MYO1D: variants seen among roughly 807,000 people sequenced by gnomAD.
MYO1D encodes unconventional myosin-Id.
In MYO1D, 83 loss-of-function variants were observed where a neutral mutation model predicts 122.0. That is an observed-to-expected ratio of 0.68 (90% confidence interval 0.57 to 0.82). MYO1D has a LOEUF of 0.82. MYO1D is among the 40% of genes least tolerant of loss of function. The probability of loss-of-function intolerance (pLI) is 0.00; values close to 1 mark genes in which losing one functional copy is unlikely to be tolerated. For missense variants in MYO1D, 1,157 were observed against 1,269.5 expected (o/e 0.91, Z 1.35); for synonymous variants, 464 against 446.9 (o/e 1.04, Z -0.48).
At chr17:32,870,424 C>T (rs2091168235) in intron 1 of MYO1D, among the ~76,000 whole-genome samples, 1 of 151,864 alleles carries the variant, frequency 6.6e-6, no homozygotes, top group Non-Finnish European at 1.5e-5. Context: ...GCAAGAGACA[C>T]CCTTTGTCCC....
chr17:32,821,189 T>C (rs2090659023), intron 1 of MYO1D, among the ~76,000 whole-genome samples: 1 of 152,186 alleles, frequency 6.6e-6, no homozygotes, highest in Non-Finnish European at 1.5e-5. Context: ...TCCATGGCCC[T>C]GCAAGGGACA....
At chr17:32,702,371 A>G (rs2089258663) in intron 16 of MYO1D, among the ~76,000 whole-genome samples, 1 of 152,212 alleles carries the variant, frequency 6.6e-6, no homozygotes. Flanking sequence ...TGAATTAAGA[A>G]AAGATCCCTA....
intron 16 of MYO1D, among the ~76,000 whole-genome samples, chr17:32,680,099 TAC>T (rs1185533684): frequency 5.8e-5 from 4 of 68,710 alleles, no homozygotes; most frequent in African/African-American, 2.9e-4. Context: ...GTGATTTTTG[TAC>T]ATTGATTTTG....
intron 21 of MYO1D, among the ~76,000 whole-genome samples, chr17:32,594,796 G>A (rs548720411): frequency 3.0e-4 from 46 of 152,266 alleles, no homozygotes; most frequent in Non-Finnish European, 3.5e-4. Flanking sequence ...TTTTAAGCTG[G>A]AGAGCTGGCT....
At chr17:32,808,989 G>A (rs868734759) in intron 1 of MYO1D, among the ~76,000 whole-genome samples, 14 of 152,042 alleles carry the variant, frequency 9.2e-5, no homozygotes, top group African/African-American at 1.4e-4. Flanking sequence ...ACATGTGTAC[G>A]TATACGTACA....
intron 2 of MYO1D, among the ~76,000 whole-genome samples, chr17:32,779,289 G>A (rs1254310039): frequency 2.6e-5 from 4 of 151,886 alleles, no homozygotes; most frequent in Non-Finnish European, 5.9e-5. Flanking sequence ...TGTACTGTAA[G>A]TCATGGCTAA....
intron 1 of MYO1D, among the ~76,000 whole-genome samples, chr17:32,817,015 A>T (rs940517621): frequency 1.3e-5 from 2 of 152,108 alleles, no homozygotes; most frequent in African/African-American, 4.8e-5. Flanking sequence ...TGTACCTCAA[A>T]TTTCTATTTA....
chr17:32,581,812 C>A (rs112557181), intron 21 of MYO1D, among the ~76,000 whole-genome samples: 2,384 of 152,008 alleles, frequency 0.016, 61 homozygotes, highest in African/African-American at 0.052. Flanking sequence ...GTCACCCAGG[C>A]TGGAGTGTAG....
intron 21 of MYO1D, among the ~76,000 whole-genome samples, chr17:32,560,210 G>A (rs2087106338): frequency 6.6e-6 from 1 of 152,022 alleles, no homozygotes; most frequent in South Asian, 2.1e-4. Flanking sequence ...AGCCGAGATT[G>A]CACCACTGCA....
intron 1 of MYO1D, among the ~76,000 whole-genome samples, chr17:32,819,546 A>G (rs989395438): frequency 2.6e-5 from 4 of 152,170 alleles, no homozygotes; most frequent in Non-Finnish European, 5.9e-5. Context: ...TTGTTTATAT[A>G]TACTTATGAA....
chr17:32,636,653 G>T (rs2088103382), intron 20 of MYO1D, among the ~76,000 whole-genome samples: 2 of 152,220 alleles, frequency 1.3e-5, no homozygotes, highest in African/African-American at 2.4e-5. Flanking sequence ...GGGGAGAGAA[G>T]GCAGCCACCA....
At chr17:32,654,874 C>T (rs2088453677) in intron 17 of MYO1D, among the ~76,000 whole-genome samples, 1 of 152,114 alleles carries the variant, frequency 6.6e-6, no homozygotes, top group Admixed American at 6.6e-5. Context: ...GATGGGGTTT[C>T]ACCATGTTGG....
At chr17:32,515,056 T>C (rs1205682563) in intron 21 of MYO1D, among the ~76,000 whole-genome samples, 1 of 152,246 alleles carries the variant, frequency 6.6e-6, no homozygotes, top group Non-Finnish European at 1.5e-5. Flanking sequence ...CAGTGGCTAG[T>C]GCCATGCCTG....
At position 32,546,528 on chromosome 17, in the gene MYO1D, C is replaced by G. The variant is rs188418347; in HGVS notation, c.2865-51613G>C. ...TTTAGTATTTTTAGCACACATTTCT[C>G]TTCTGTGCCGGTTGTCTTTTTAATT... On this transcript the variant is annotated intron_variant, in intron 21 of 21. Coordinates refer to ENST00000318217, the MANE Select transcript of MYO1D (RefSeq NM_015194.3). Among the ~76,000 whole-genome samples, 3 of 152,340 alleles carry G rather than the reference C, an allele frequency of 2.0e-5. No individual in the cohort carries two copies. In the East Asian group the frequency reaches 5.8e-4, roughly 29 times the overall value.
At chr17:32,578,128 T>A (rs749128092) in intron 21 of MYO1D, among the ~76,000 whole-genome samples, 1 of 152,176 alleles carries the variant, frequency 6.6e-6, no homozygotes, top group Non-Finnish European at 1.5e-5. Flanking sequence ...AAACTGCATA[T>A]AAGAGAATAG....
intron 21 of MYO1D, among the ~76,000 whole-genome samples, chr17:32,552,445 CAT>C (rs2087026008): frequency 6.6e-6 from 1 of 151,940 alleles, no homozygotes; most frequent in African/African-American, 2.4e-5. Flanking sequence ...TCCATCCATC[CAT>C]CCATCCATCC....
chr17:32,814,612 A>C (rs2090598686), intron 1 of MYO1D, among the ~76,000 whole-genome samples: 1 of 152,250 alleles, frequency 6.6e-6, no homozygotes, highest in Non-Finnish European at 1.5e-5. Flanking sequence ...GACTGTTTTA[A>C]ATGAAAACAT....
intron 21 of MYO1D, among the ~76,000 whole-genome samples, chr17:32,564,781 C>A (rs1431501590): frequency 6.6e-6 from 1 of 152,156 alleles, no homozygotes; most frequent in Non-Finnish European, 1.5e-5. Context: ...TCAACTGAGG[C>A]TCCAAGCCAT....
intron 21 of MYO1D, among the ~76,000 whole-genome samples, chr17:32,508,551 C>T (rs906372313): frequency 1.3e-5 from 2 of 152,214 alleles, no homozygotes; most frequent in Non-Finnish European, 2.9e-5. Flanking sequence ...ACCAGGATTA[C>T]AGGTGTGAGC....
Sources: allele counts gnomAD v4.1 joint callset (sites outside exome capture counted in the v4.1 genomes callset), GRCh38; gene constraint gnomAD v4.1.1; transcripts MANE v1.5; gene names NCBI Gene and HGNC (gene_info 2026-07-23, HGNC 2026-07-21).